Variants in TLN2 observed in about 807,000 individuals in gnomAD.
TLN2 encodes the protein talin-2.
A neutral mutation model predicts 294.7 loss-of-function variants in TLN2; 118 were observed. That is an observed-to-expected ratio of 0.40 (90% CI 0.34 to 0.47). The LOEUF (loss-of-function observed/expected upper bound fraction) is 0.47, where lower values mean the gene tolerates loss of function less well. Among genes scored for constraint, TLN2 ranks in the 20% least tolerant of loss-of-function variants. TLN2 has a pLI of 0.84. For missense variants in TLN2, 3,083 were observed against 3,282.2 expected, an observed-to-expected ratio of 0.94 and a Z score of 1.48; for synonymous variants, 1,431 against 1,304.5, an observed-to-expected ratio of 1.10 and a Z score of -2.09.
chr15:62,413,778 G>A (rs557194760), intron 1 of TLN2, among the ~76,000 whole-genome samples: 1 of 152,242 alleles, frequency 6.6e-6, no homozygotes, highest in Non-Finnish European at 1.5e-5. Context: ...GGCATTTTCT[G>A]TGATGAAACA....
chr15:62,487,287 C>G (rs2038451742), intron 1 of TLN2, among the ~76,000 whole-genome samples: 1 of 152,228 alleles, frequency 6.6e-6, no homozygotes, highest in Non-Finnish European at 1.5e-5. Flanking sequence ...GCCCTGGCTG[C>G]TCATTCACCG....
chr15:62,723,509 ATT>A, intron 26 of TLN2, among the ~76,000 whole-genome samples: 1 of 144,628 alleles, frequency 6.9e-6, no homozygotes, highest in East Asian at 2.1e-4. Flanking sequence ...AAGACTGTCC[ATT>A]GGGTACAGGA....
chr15:62,444,291 A>G (rs979884753), intron 1 of TLN2, among the ~76,000 whole-genome samples: 6 of 152,238 alleles, frequency 3.9e-5, no homozygotes, highest in African/African-American at 1.2e-4. Flanking sequence ...ACTGGTCTCC[A>G]TGGAGGTGAC....
At chr15:62,597,585 C>T (rs77289681) in intron 2 of TLN2, among the ~76,000 whole-genome samples, 3 of 152,260 alleles carry the variant, frequency 2.0e-5, no homozygotes, top group East Asian at 1.9e-4. Flanking sequence ...ACAGGTTGAT[C>T]TCTAGGTACA....
chr15:62,836,941 G>C (rs994518684), intron 57 of TLN2, among the ~76,000 whole-genome samples: 1 of 151,658 alleles, frequency 6.6e-6, no homozygotes, highest in Non-Finnish European at 1.5e-5. Context: ...TGCAAAGCTA[G>C]CTGGCCCATT....
chr15:62,829,730 T>G (rs1253859717), intron 54 of TLN2: 2 of 152,240 alleles, frequency 1.3e-5, no homozygotes, highest in African/African-American at 4.8e-5. Context: ...TGCTGTCACA[T>G]GTAGTAGGTC....
intron 41 of TLN2, among the ~76,000 whole-genome samples, chr15:62,768,083 C>T (rs1286640080): frequency 6.6e-6 from 1 of 152,170 alleles, no homozygotes; most frequent in Non-Finnish European, 1.5e-5. Flanking sequence ...GGAGTTCACA[C>T]CCACATTTTC....
Position 62,712,087 on chromosome 15 carries a change from T to C in TLN2, c.2634+10T>C. 6.2e-7 allele frequency: 1 copy of C among 1,611,574 alleles called. No individual in the cohort carries two copies. The highest frequency in any genetic ancestry group is 8.5e-7 in the Non-Finnish European group (1 of 1,178,136). On this transcript the variant is annotated intron_variant, in intron 22 of 58. Transcript: ENST00000636159. ...GGTGGAAGCTGCAAAGGTATTCTACTGGATTTGTTTGTATGAAAAGTGAAC... is the reference window on the plus strand; with the variant it reads ...GGTGGAAGCTGCAAAGGTATTCTACCGGATTTGTTTGTATGAAAAGTGAAC...
In TLN2 at chr15:62,655,991, G is replaced by A; in HGVS notation, c.565G>A (p.Glu189Lys). 6.2e-7 allele frequency: 1 copy of A among 1,614,192 alleles called. No homozygotes were observed. Among genetic ancestry groups the A allele is most frequent in the Non-Finnish European group, 8.5e-7 (1 of 1,180,044 alleles). Residue 189 changes from glutamate (E) to lysine (K), a missense_variant, in exon 8 of 59, where the codon GAA becomes AAA. Coordinates refer to ENST00000636159, the MANE Select transcript of TLN2 (RefSeq NM_015059.3). ...SRTFREQGVDENETLLLRRKF... is the reference protein window; with the variant it reads ...SRTFREQGVDKNETLLLRRKF... Reference sequence around the variant, plus strand: ...AACATTCAGAGAACAAGGAGTAGATGAAAACGAAACGTTGCTGCTTAGACG... The same window carrying A: ...AACATTCAGAGAACAAGGAGTAGATAAAAACGAAACGTTGCTGCTTAGACG...
chr15:62,783,614 T>G (rs1034443428), intron 44 of TLN2, among the ~76,000 whole-genome samples, 157 bp from the exon 45 acceptor site: 1 of 152,222 alleles, frequency 6.6e-6, no homozygotes, highest in Non-Finnish European at 1.5e-5. Flanking sequence ...CTCTCCAGCA[T>G]CTAGCCCCAA....
intron 37 of TLN2, among the ~76,000 whole-genome samples, chr15:62,759,411 T>A (rs1356028067): frequency 2.0e-5 from 3 of 151,904 alleles, no homozygotes; most frequent in African/African-American, 7.3e-5. Flanking sequence ...TTTTAGGGCC[T>A]GTGCTCAAAA....
In TLN2 at chr15:62,844,394, C is replaced by G. The variant is rs955158337; in HGVS notation, c.*3784C>G. 6.6e-6 allele frequency: 1 copy of G among 152,010 alleles called. No homozygotes were observed. The highest frequency in any genetic ancestry group is 1.5e-5 in the Non-Finnish European group (1 of 68,018). The allele number at this position is 152,010 out of a possible 1,614,324, so 9.4% of individuals were successfully genotyped here. A position where few individuals can be genotyped will look rare whatever the true frequency, so the allele number is the denominator to read the frequency against. ...TTGGATTCGGCCTCTTCCTCTGAGC[C>G]CACCTCCCAGCCCTCCAGGGAGCAT... On this transcript the variant is annotated 3_prime_UTR_variant, in exon 59 of 59. Transcript: ENST00000636159.
chr15:62,590,994 C>CT (rs2046034254), intron 2 of TLN2, among the ~76,000 whole-genome samples: 1 of 147,210 alleles, frequency 6.8e-6, no homozygotes, highest in African/African-American at 2.5e-5. Flanking sequence ...TTTTTTTTGG[C>CT]TGTATATAAA....
chr15:62,453,182 C>A (rs980916876), intron 1 of TLN2, among the ~76,000 whole-genome samples: 1 of 151,164 alleles, frequency 6.6e-6, no homozygotes, highest in Non-Finnish European at 1.5e-5. Flanking sequence ...AAAGGGCATG[C>A]GGTTGGCTAG....
rs1317631840 is a variant in TLN2 at position 62,825,750 on chromosome 15, A to T, written c.7002+5140A>T. On this transcript the variant is annotated intron_variant, in intron 54 of 58. Transcript: ENST00000636159. The stretch of plus-strand genomic sequence containing the variant: ...TAAAAATATATTTTTATATATATTA[A>T]ATATAATTATAATTATATATTATAT... Among the ~76,000 whole-genome samples the T allele has an allele frequency of 1.4e-4, 15 of 107,378 alleles. 1 individual carries two copies. Among genetic ancestry groups the T allele is most frequent in the African/African-American group, 6.1e-4 (13 of 21,232 alleles). The allele number at this position is 107,378 out of a possible 152,430, so 70.4% of individuals were successfully genotyped here. A position where few individuals can be genotyped will look rare whatever the true frequency, so the allele number is the denominator to read the frequency against.
chr15:62,506,146 GC>G (rs2039609085), intron 1 of TLN2, among the ~76,000 whole-genome samples: 1 of 152,136 alleles, frequency 6.6e-6, no homozygotes, highest in Non-Finnish European at 1.5e-5. Flanking sequence ...TTCTTTAAAA[GC>G]CCAGCACAAA....
chr15:62,651,214 C>T (rs2052551416), intron 5 of TLN2, among the ~76,000 whole-genome samples: 2 of 152,278 alleles, frequency 1.3e-5, no homozygotes, highest in African/African-American at 4.8e-5. Flanking sequence ...AGATCATTCT[C>T]AGCCTTGCAG....
chr15:62,460,381 C>A (rs1406918379), intron 1 of TLN2, among the ~76,000 whole-genome samples: 1 of 152,056 alleles, frequency 6.6e-6, no homozygotes, highest in Non-Finnish European at 1.5e-5. Flanking sequence ...TCTCCTGCCT[C>A]AGCCTCCCTA....
In TLN2 at chr15:62,832,106, A is replaced by ACCT. The variant is rs1182162837; in HGVS notation, c.7003-1398_7003-1397insCCT. 6.3e-4 allele frequency: 17 copies of ACCT among 26,920 alleles called. 1 individual carries two copies. The South Asian group carries it at 0.022, about 35-fold the overall frequency. 1.7% of individuals were successfully genotyped at this position (26,920 alleles called of 1,614,324 possible). ...AGGATAAAGATAATTCCAATATACGATCTTTTTTTTTTTTTTTGGTGAGAA... is the reference window on the plus strand; with the variant it reads ...AGGATAAAGATAATTCCAATATACGACCTTCTTTTTTTTTTTTTTTGGTGAGAA... On this transcript the variant is annotated intron_variant, in intron 54 of 58. Transcript: ENST00000636159.
Sources: gnomAD v4.1 joint callset for allele counts (sites outside exome capture counted in the v4.1 genomes callset) on GRCh38, gnomAD v4.1.1 for gene constraint, MANE v1.5 for transcripts, NCBI Gene and HGNC (gene_info 2026-07-23, HGNC 2026-07-21) for gene names.